The following IPPK variants were observed in gnomAD, a reference collection of about 807,000 sequenced individuals.
IPPK encodes IPK1 homolog.
Under a neutral mutation model 64.6 loss-of-function variants are expected in IPPK, and 22 were observed. The ratio of observed to expected loss-of-function variants is 0.34; its 90% CI spans 0.24 to 0.49. The LOEUF is 0.49. IPPK is among the 20% of genes least tolerant of loss of function. The probability of loss-of-function intolerance (pLI) is 0.99; values close to 1 mark genes in which losing one functional copy is unlikely to be tolerated. For synonymous variants in IPPK, 262 were observed against 247.2 expected, an observed-to-expected ratio of 1.06 and a Z score of -0.56; for missense variants, 532 against 630.7, an observed-to-expected ratio of 0.84 and a Z score of 1.68.
rs1851408544 is a variant in IPPK, at chr9:92,615,729, G to A, written c.*103C>T. 8.3e-6 allele frequency: 8 copies of A among 964,896 alleles called. No individual in the cohort carries two copies. The highest frequency in any genetic ancestry group is 1.3e-5 in the Non-Finnish European group (8 of 631,526). The allele number at this position is 964,896 out of a possible 1,614,324, so 59.8% of individuals were successfully genotyped here. A position where few individuals can be genotyped will look rare whatever the true frequency, so the allele number is the denominator to read the frequency against. ...AATCCCACCTCAAAAGGGGTTAAAA[G>A]CAAAAACATTCACAACCAAAGGTCA... is the stretch of plus-strand genomic sequence containing the variant. On this transcript the variant is annotated 3_prime_UTR_variant, in exon 13 of 13. Coordinates refer to ENST00000287996, the MANE Select transcript of IPPK (RefSeq NM_022755.6).
intron 8 of IPPK, 75 bp from the exon 9 acceptor site, chr9:92,638,355 A>C: frequency 6.6e-7 from 1 of 1,525,394 alleles, no homozygotes; most frequent in Non-Finnish European, 8.9e-7. Flanking sequence ...CCCCACCACC[A>C]GCATCCCAGG....
chr9:92,626,918 GAA>G (rs11449391), intron 11 of IPPK, among the ~76,000 whole-genome samples: 2 of 138,644 alleles, frequency 1.4e-5, no homozygotes, highest in African/African-American at 2.7e-5. Context: ...ATGCTATTAA[GAA>G]AAAAAAAAAA....
intron 9 of IPPK, among the ~76,000 whole-genome samples, chr9:92,637,611 G>A (rs1248833802): frequency 6.6e-6 from 1 of 152,242 alleles, no homozygotes; most frequent in Non-Finnish European, 1.5e-5. Context: ...CAGCCCTGCA[G>A]GATTTCTGTG....
intron 9 of IPPK, among the ~76,000 whole-genome samples, chr9:92,636,802 T>C (rs891796501): frequency 6.6e-6 from 1 of 152,182 alleles, no homozygotes; most frequent in Non-Finnish European, 1.5e-5. Flanking sequence ...CACTCCCTCC[T>C]GTCTGTGTCC....
intron 11 of IPPK, among the ~76,000 whole-genome samples, chr9:92,626,702 A>G (rs565670900): frequency 6.6e-6 from 1 of 152,336 alleles, no homozygotes; most frequent in African/African-American, 2.4e-5. Context: ...ATCCACAAAT[A>G]GAGAAAGCAT....
chr9:92,641,688 G>A (rs944579148), intron 7 of IPPK, among the ~76,000 whole-genome samples: 8 of 152,142 alleles, frequency 5.3e-5, no homozygotes, highest in Admixed American at 2.0e-4. Context: ...CTCCGCGTTC[G>A]ATCTTTGTTC....
At chr9:92,658,598 T>A (rs760386386) in intron 2 of IPPK, 36 bp downstream of exon 2, 1 of 1,539,024 alleles carries the variant, frequency 6.5e-7, no homozygotes, top group South Asian at 1.2e-5. Context: ...TCTTAAATAA[T>A]TGTTGTAAGT....
chr9:92,623,433 CA>C (rs538116710), intron 11 of IPPK, among the ~76,000 whole-genome samples: 5,761 of 71,820 alleles, frequency 0.08, 140 homozygotes, highest in South Asian at 0.18. Context: ...GACTCCGTCT[CA>C]AAAAAAAAAA....
intron 11 of IPPK, among the ~76,000 whole-genome samples, chr9:92,624,905 T>TAA (rs34574363): frequency 7.2e-6 from 1 of 138,922 alleles, no homozygotes; most frequent in East Asian, 2.0e-4. Context: ...TACACAGAGC[T>TAA]AAAAAAAAAA....
Position 92,638,361 on chromosome 9 carries a change from C to T in IPPK, c.637-81G>A. ...GAACTCAGTCCCCACCACCAGCATC[C>T]CAGGCAGCGGGTGAAAGCCAAGGGC... On this transcript the variant is annotated intron_variant, in intron 8 of 12. Transcript: ENST00000287996. The T allele has an allele frequency of 6.0e-6, 9 of 1,500,362 alleles. No homozygotes were observed. In the South Asian group the frequency reaches 8.9e-5, roughly 15 times the overall value. The allele number at this position is 1,500,362 out of a possible 1,614,324, so 92.9% of individuals were successfully genotyped here.
rs148842309 is a variant in IPPK at position 92,648,111 on chromosome 9, G to A, written c.452C>T (p.Thr151Met). ...ACAGACCTTATGCTTCATCTCATGC[G>A]TGACATCACTCGAGAAAGGAATAAA... is the stretch of plus-strand genomic sequence containing the variant. ...CGFIPFSSDVTHEMKHKVCRY... is the reference protein window; with the variant it reads ...CGFIPFSSDVMHEMKHKVCRY... Residue 151 changes from threonine (T) to methionine (M), a missense_variant, in exon 6 of 13, where the codon ACG (threonine) becomes ATG (methionine). Coordinates refer to ENST00000287996, the MANE Select transcript of IPPK (RefSeq NM_022755.6). 23 of 1,613,534 alleles carry A rather than the reference G, an allele frequency of 1.4e-5. No homozygotes were observed. The highest frequency in any genetic ancestry group is 4.4e-5 in the South Asian group (4 of 90,968).
intron 3 of IPPK, among the ~76,000 whole-genome samples, chr9:92,653,887 T>G (rs543632042): frequency 6.6e-6 from 1 of 152,204 alleles, no homozygotes; most frequent in South Asian, 2.1e-4. Flanking sequence ...AATTAGATCA[T>G]CTCAAGAAGT....
intron 2 of IPPK, among the ~76,000 whole-genome samples, chr9:92,657,055 C>CA (rs955789929): frequency 1.6e-4 from 24 of 151,746 alleles, no homozygotes; most frequent in Admixed American, 3.3e-4. Flanking sequence ...CAGCTTCTGA[C>CA]AAAAAAAACC....
At chr9:92,643,185 C>A (rs1852084993) in intron 6 of IPPK, among the ~76,000 whole-genome samples, 1 of 152,214 alleles carries the variant, frequency 6.6e-6, no homozygotes, top group South Asian at 2.1e-4. Flanking sequence ...CAAGAAATTT[C>A]ATATTGCCAG....
intron 9 of IPPK, 25 bp downstream of exon 9, chr9:92,637,976 C>T (rs1471292259): frequency 1.3e-6 from 2 of 1,514,748 alleles, no homozygotes; most frequent in African/African-American, 1.4e-5. Context: ...CCCCCACCGC[C>T]TACCTGGGGA....
chr9:92,656,370 G>A, intron 3 of IPPK, 86 bp downstream of exon 3: 1 of 868,280 alleles, frequency 1.2e-6, no homozygotes, highest in Non-Finnish European at 2.0e-6. Context: ...TTATCATTAA[G>A]CACAAAGTTC....
rs968644134 is a variant in IPPK at position 92,647,245 on chromosome 9, T to G, written c.504+814A>C. ...AGGAAATAAGAGAATCTCAACAGAT[T>G]GGTAACAAGAGACTGAATCAGTAAT... On this transcript the variant is annotated intron_variant, in intron 6 of 12. Coordinates refer to ENST00000287996, the MANE Select transcript of IPPK (RefSeq NM_022755.6). Among the ~76,000 whole-genome samples the G allele has an allele frequency of 2.0e-5, 3 of 152,180 alleles. No individual in the cohort carries two copies. The East Asian group carries it at 5.8e-4, about 29-fold the overall frequency.
chr9:92,661,900 G>A (rs970635014), intron 1 of IPPK, among the ~76,000 whole-genome samples: 19 of 152,346 alleles, frequency 1.2e-4, no homozygotes, highest in Admixed American at 4.6e-4. Flanking sequence ...TGAGGGCTTC[G>A]TAATGCATAG....
At chr9:92,630,110 T>C (rs746701018) in intron 11 of IPPK, among the ~76,000 whole-genome samples, 5 of 152,174 alleles carry the variant, frequency 3.3e-5, no homozygotes, top group Non-Finnish European at 1.5e-5. Flanking sequence ...GATAACAGCA[T>C]TGAGCATAAT....
Sources: allele counts gnomAD v4.1 joint callset (sites outside exome capture counted in the v4.1 genomes callset), GRCh38; gene constraint gnomAD v4.1.1; transcripts MANE v1.5; gene names NCBI Gene and HGNC (gene_info 2026-07-23, HGNC 2026-07-21).